The following RGS7 variants were observed in gnomAD, a reference collection of about 807,000 sequenced individuals.
RGS7 encodes regulator of G protein signaling 7.
Under a neutral mutation model 81.1 loss-of-function variants are expected in RGS7, and 27 were observed. The ratio of observed to expected loss-of-function variants is 0.33; its 90% confidence interval spans 0.25 to 0.46. The LOEUF (loss-of-function observed/expected upper bound fraction) is 0.46, where lower values mean the gene tolerates loss of function less well. RGS7 is among the 20% of genes least tolerant of loss of function. The pLI, the probability that RGS7 is intolerant of heterozygous loss-of-function variation, is 1.00. For synonymous variants in RGS7, 208 were observed against 207.7 expected, an observed-to-expected ratio of 1.00 and a Z score of -0.01; for missense variants, 396 against 607.4, an observed-to-expected ratio of 0.65 and a Z score of 3.66.
intron 3 of RGS7, among the ~76,000 whole-genome samples, chr1:241,089,991 C>T (rs948998691): frequency 4.1e-5 from 3 of 72,804 alleles, no homozygotes; most frequent in African/African-American, 2.7e-4. Flanking sequence ...GAGACTCCAT[C>T]TCAAAAAAAA....
intron 2 of RGS7, among the ~76,000 whole-genome samples, chr1:241,104,024 C>T (rs891155716): frequency 6.6e-6 from 1 of 152,218 alleles, no homozygotes; most frequent in African/African-American, 2.4e-5. Flanking sequence ...GACTGTACTA[C>T]TTACAAGCCA....
At chr1:240,961,878 G>C (rs1390560523) in intron 4 of RGS7, among the ~76,000 whole-genome samples, 3 of 151,946 alleles carry the variant, frequency 2.0e-5, no homozygotes, top group Non-Finnish European at 2.9e-5. Context: ...GAGAGAAAAA[G>C]AGAGAAGAAA....
chr1:240,995,638 C>A (rs1687159593), intron 3 of RGS7, among the ~76,000 whole-genome samples: 1 of 150,190 alleles, frequency 6.7e-6, no homozygotes, highest in Admixed American at 6.6e-5. Flanking sequence ...TTCTTTTATC[C>A]TTTAGATGTC....
chr1:240,850,234 G>A (rs553538227), intron 9 of RGS7, among the ~76,000 whole-genome samples: 4 of 152,292 alleles, frequency 2.6e-5, no homozygotes, highest in African/African-American at 9.6e-5. Flanking sequence ...ACAACCCTGT[G>A]TCCAGCAAGT....
At chr1:241,078,469 C>A (rs2062952543) in intron 3 of RGS7, among the ~76,000 whole-genome samples, 1 of 94,824 alleles carries the variant, frequency 1.1e-5, no homozygotes, top group Non-Finnish European at 2.1e-5. Flanking sequence ...ACATAATGCA[C>A]ACACACACGT....
intron 2 of RGS7, among the ~76,000 whole-genome samples, chr1:241,306,800 CCCT>C (rs1223795979): frequency 1.6e-4 from 24 of 152,078 alleles, no homozygotes; most frequent in African/African-American, 5.3e-4. Context: ...CATGAACACA[CCCT>C]CCTGTGTGCA....
intron 6 of RGS7, among the ~76,000 whole-genome samples, chr1:240,881,896 G>A (rs16840939): frequency 0.029 from 4,440 of 151,284 alleles, 225 homozygotes; most frequent in African/African-American, 0.1. Flanking sequence ...TACTATGAAC[G>A]TTGAATACTG....
chr1:241,031,388 T>C (rs969009014), intron 3 of RGS7, among the ~76,000 whole-genome samples: 6 of 152,236 alleles, frequency 3.9e-5, no homozygotes, highest in Non-Finnish European at 8.8e-5. Flanking sequence ...TGATAGATGC[T>C]TAGGTTGATT....
chr1:240,932,923 G>C (rs568550889), intron 5 of RGS7, among the ~76,000 whole-genome samples: 6 of 107,942 alleles, frequency 5.6e-5, no homozygotes, highest in South Asian at 3.2e-4. Flanking sequence ...TCGCTCTGTC[G>C]CCCAGGCTGG....
chr1:241,033,373 G>T (rs558737166), intron 3 of RGS7, among the ~76,000 whole-genome samples: 1 of 151,846 alleles, frequency 6.6e-6, no homozygotes, highest in Non-Finnish European at 1.5e-5. Flanking sequence ...CTGGGGGAGC[G>T]GGGGAGGAAA....
At chr1:241,135,349 C>T (rs2067426578) in intron 2 of RGS7, among the ~76,000 whole-genome samples, 1 of 152,084 alleles carries the variant, frequency 6.6e-6, no homozygotes, top group South Asian at 2.1e-4. Flanking sequence ...ATGGCGTGAA[C>T]CCGGGAGGCG....
At chr1:241,350,994 C>G (rs1231192149) in intron 2 of RGS7, among the ~76,000 whole-genome samples, 1 of 152,204 alleles carries the variant, frequency 6.6e-6, no homozygotes, top group Non-Finnish European at 1.5e-5. Context: ...AACAGGCTGA[C>G]TTCAGAAGTA....
intron 2 of RGS7, among the ~76,000 whole-genome samples, chr1:241,249,177 G>T (rs954545810): frequency 6.6e-6 from 1 of 152,002 alleles, no homozygotes; most frequent in African/African-American, 2.4e-5. Flanking sequence ...CATGTTGCAT[G>T]CAGGAAAACT....
chr1:241,076,728 C>T (rs2062827383), intron 3 of RGS7, among the ~76,000 whole-genome samples: 2 of 152,108 alleles, frequency 1.3e-5, no homozygotes, highest in Non-Finnish European at 2.9e-5. Context: ...ACCCAATGGC[C>T]AATTGATTTC....
chr1:240,945,633 C>T (rs913179939), intron 4 of RGS7, among the ~76,000 whole-genome samples: 1 of 152,186 alleles, frequency 6.6e-6, no homozygotes, highest in African/African-American at 2.4e-5. Context: ...AAGCCACAGG[C>T]TTGGTCACTG....
chr1:241,256,808 T>C (rs561294995), intron 2 of RGS7, among the ~76,000 whole-genome samples: 83 of 152,148 alleles, frequency 5.5e-4, no homozygotes, highest in Non-Finnish European at 9.7e-4. Context: ...CTTCTTAATA[T>C]CATCTCATTT....
intron 2 of RGS7, among the ~76,000 whole-genome samples, chr1:241,145,027 T>C (rs2068212014): frequency 6.6e-6 from 1 of 151,578 alleles, no homozygotes; most frequent in Non-Finnish European, 1.5e-5. Flanking sequence ...GAAACTTTTT[T>C]TTTTTTTGAG....
At chr1:241,120,370 C>T (rs982929967) in intron 2 of RGS7, among the ~76,000 whole-genome samples, 11 of 152,138 alleles carry the variant, frequency 7.2e-5, no homozygotes, top group African/African-American at 2.7e-4. Context: ...GTTTTAGAGA[C>T]AGGGTCTTGC....
At position 240,783,675 on chromosome 1, in the gene RGS7, A is replaced by T. The variant is rs981425718; in HGVS notation, c.*7-7462T>A. Among the ~76,000 whole-genome samples, 4 of 152,008 alleles carry T rather than the reference A, an allele frequency of 2.6e-5. No homozygotes were observed. The East Asian group carries it at 7.7e-4, about 29-fold the overall frequency. ...AAAAATCGTTCTTGGTCTTAAAGTA[A>T]TAACAGAAAGTTGATGGTAAGGAGC... On this transcript the variant is annotated intron_variant, in intron 18 of 18. Coordinates refer to ENST00000440928, the MANE Select transcript of RGS7 (RefSeq NM_001364886.1).
Sources: gnomAD v4.1 joint callset for allele counts (sites outside exome capture counted in the v4.1 genomes callset) on GRCh38, gnomAD v4.1.1 for gene constraint, MANE v1.5 for transcripts, NCBI Gene and HGNC (gene_info 2026-07-23, HGNC 2026-07-21) for gene names.